The following LARS2 variants were observed in gnomAD, a reference collection of about 807,000 sequenced individuals.
LARS2 encodes the protein leucine--tRNA ligase, mitochondrial.
In LARS2, 81 loss-of-function variants were observed where a neutral mutation model predicts 116.6. The observed-to-expected ratio is 0.69, with a 90% confidence interval of 0.58 to 0.84. The LOEUF (loss-of-function observed/expected upper bound fraction) is 0.84. Among genes scored for constraint, LARS2 ranks in the 40% least tolerant of loss-of-function variants. The probability of loss-of-function intolerance (pLI) is 0.00; values close to 1 mark genes in which losing one functional copy is unlikely to be tolerated. For synonymous variants in LARS2, 396 were observed against 407.2 expected (o/e 0.97, Z 0.33); for missense variants, 968 against 1,114.5 (o/e 0.87, Z 1.87).
chr3:45,466,033 C>A (rs1017985253), intron 8 of LARS2, among the ~76,000 whole-genome samples: 1 of 152,080 alleles, frequency 6.6e-6, no homozygotes, highest in African/African-American at 2.4e-5. Context: ...TGTTTTGTTT[C>A]CAAGATGGAA....
chr3:45,417,565 G>C lies in LARS2; in HGVS notation c.447G>C (p.Trp149Cys), dbSNP rs761520221. The C allele has an allele frequency of 1.4e-5, 22 of 1,613,230 alleles. No individual in the cohort carries two copies. The highest frequency in any genetic ancestry group is 1.7e-5 in the Non-Finnish European group (20 of 1,179,366). ...AVERNLHPQS[W>C]TQSNIKHMRK... ...AGAGGAATCTACATCCACAAAGTTGGACACAAAGGTAAGTGTTTACAGGCA... is the reference window on the plus strand; with the variant it reads ...AGAGGAATCTACATCCACAAAGTTGCACACAAAGGTAAGTGTTTACAGGCA... Residue 149 changes from tryptophan to cysteine, a missense_variant, in exon 5 of 22, where the codon TGG (tryptophan) becomes TGC (cysteine). Coordinates refer to ENST00000645846, the MANE Select transcript of LARS2 (RefSeq NM_015340.4).
intron 20 of LARS2, among the ~76,000 whole-genome samples, chr3:45,530,619 C>T (rs894725969): frequency 3.3e-5 from 5 of 152,172 alleles, no homozygotes; most frequent in African/African-American, 4.8e-5. Context: ...GTGCATAAAT[C>T]TTGTTCTCAC....
At chr3:45,410,185 C>T (rs982320521) in intron 4 of LARS2, among the ~76,000 whole-genome samples, 3 of 152,146 alleles carry the variant, frequency 2.0e-5, no homozygotes, top group South Asian at 2.1e-4. Context: ...GCAACAGTTA[C>T]GTTATTCTGC....
chr3:45,391,756 A>G (rs1204244522), intron 2 of LARS2, 108 bp downstream of exon 2: 4 of 152,206 alleles, frequency 2.6e-5, no homozygotes, highest in Non-Finnish European at 5.9e-5. Flanking sequence ...TTAAATACCC[A>G]GATCTGTTTC....
At chr3:45,427,258 T>A (rs1015990118) in intron 6 of LARS2, among the ~76,000 whole-genome samples, 27 of 152,314 alleles carry the variant, frequency 1.8e-4, no homozygotes, top group African/African-American at 6.0e-4. Flanking sequence ...AGATTGTTAT[T>A]CCATGAAAAT....
intron 6 of LARS2, among the ~76,000 whole-genome samples, chr3:45,440,334 A>G (rs368888158): frequency 2.0e-5 from 3 of 152,256 alleles, no homozygotes; most frequent in South Asian, 2.1e-4. Context: ...ATCACTAAAC[A>G]TGTTTCCTTT....
intron 8 of LARS2, among the ~76,000 whole-genome samples, chr3:45,463,116 TA>T (rs1699361337): frequency 1.3e-5 from 2 of 152,286 alleles, no homozygotes; most frequent in South Asian, 4.1e-4. Flanking sequence ...GAGCCTTATA[TA>T]CAGCAAGCGA....
intron 4 of LARS2, among the ~76,000 whole-genome samples, chr3:45,401,639 A>G (rs944796746): frequency 2.0e-5 from 3 of 152,062 alleles, no homozygotes; most frequent in African/African-American, 7.2e-5. Flanking sequence ...AATTTTTTTG[A>G]GACAGGGTCT....
At chr3:45,463,848 G>C (rs1321167007) in intron 8 of LARS2, among the ~76,000 whole-genome samples, 1 of 152,112 alleles carries the variant, frequency 6.6e-6, no homozygotes, top group Non-Finnish European at 1.5e-5. Flanking sequence ...GAGACGAGGA[G>C]GAGGAGGAGC....
At chr3:45,443,228 A>G (rs1190206648) in intron 6 of LARS2, among the ~76,000 whole-genome samples, 1 of 152,236 alleles carries the variant, frequency 6.6e-6, no homozygotes, top group East Asian at 1.9e-4. Flanking sequence ...TTGAATAGGC[A>G]CTTCCCAGTG....
intron 19 of LARS2, 58 bp downstream of exon 19, chr3:45,520,354 G>T: frequency 7.8e-7 from 1 of 1,289,280 alleles, no homozygotes. Context: ...GTGTGGCAAG[G>T]GGCCCCACAG....
At chr3:45,542,682 C>T (rs1042667901) in intron 21 of LARS2, among the ~76,000 whole-genome samples, 1 of 152,180 alleles carries the variant, frequency 6.6e-6, no homozygotes, top group South Asian at 2.1e-4. Flanking sequence ...CACCCTATAA[C>T]GTGGGCGTTG....
intron 2 of LARS2, among the ~76,000 whole-genome samples, chr3:45,393,844 A>T (rs1019373567): frequency 1.3e-5 from 2 of 152,230 alleles, no homozygotes; most frequent in African/African-American, 2.4e-5. Flanking sequence ...GTAAATAAAT[A>T]AATAAATATT....
chr3:45,452,859 A>G lies in LARS2; in HGVS notation c.606+5879A>G, dbSNP rs574586854. 9.9e-5 allele frequency among the ~76,000 whole-genome samples: 15 copies of G among 152,202 alleles called. No homozygotes were observed. In the South Asian group the frequency reaches 2.3e-3, roughly 23 times the overall value. On this transcript the variant is annotated intron_variant, in intron 7 of 21. Transcript: ENST00000645846. ...CTGCTTTGAACTCATGACTTGTTCT[A>G]TTCAGGTTTTCAATTACTTCATGGT...
intron 7 of LARS2, among the ~76,000 whole-genome samples, chr3:45,454,174 TAGG>T (rs1559474352): frequency 6.6e-6 from 1 of 152,066 alleles, no homozygotes; most frequent in Non-Finnish European, 1.5e-5. Flanking sequence ...AACACAAAAT[TAGG>T]AGAATACTGC....
rs543538490 is a variant in LARS2 at position 45,457,022 on chromosome 3, G to A, written c.607-1721G>A. On this transcript the variant is annotated intron_variant, in intron 7 of 21. Transcript: ENST00000645846. ...GAAGGACTATTTGTGTGGAGTTCAG[G>A]GAAACTCAGAAGGGACGGCAATGCG... Among the ~76,000 whole-genome samples the A allele has an allele frequency of 2.0e-5, 3 of 152,338 alleles. No individual in the cohort carries two copies. In the East Asian group the frequency reaches 5.8e-4, roughly 29 times the overall value.
intron 10 of LARS2, chr3:45,483,961 G>A (rs981788043): frequency 4.1e-4 from 62 of 151,904 alleles, no homozygotes; most frequent in African/African-American, 1.5e-3. Flanking sequence ...CACTTCGGGA[G>A]GCCAAAATGA....
intron 16 of LARS2, among the ~76,000 whole-genome samples, chr3:45,514,205 CA>C (rs1202127766): frequency 8.9e-4 from 124 of 140,036 alleles, no homozygotes; most frequent in Non-Finnish European, 5.9e-4. Context: ...GACTCTGTCT[CA>C]AAAAAAAAAA....
At chr3:45,390,809 C>A (rs1351983537) in intron 1 of LARS2, among the ~76,000 whole-genome samples, 1 of 151,878 alleles carries the variant, frequency 6.6e-6, no homozygotes, top group Admixed American at 6.6e-5. Flanking sequence ...CCCGCCACCA[C>A]GCCCAGCTAA....
Sources: allele counts gnomAD v4.1 joint callset (sites outside exome capture counted in the v4.1 genomes callset), GRCh38; gene constraint gnomAD v4.1.1; transcripts MANE v1.5; gene names NCBI Gene and HGNC (gene_info 2026-07-23, HGNC 2026-07-21).